The following FAM78B variants were observed in gnomAD, a reference collection of about 807,000 sequenced individuals.
The protein encoded by FAM78B is protein FAM78B.
FAM78B carries 10 observed loss-of-function variants against 20.0 expected under a neutral mutation model. That is an observed-to-expected ratio of 0.50 (90% CI 0.31 to 0.85). The LOEUF (loss-of-function observed/expected upper bound fraction) is 0.85. Among genes scored for constraint, FAM78B ranks in the 40% least tolerant of loss-of-function variants. The pLI is 0.05. For synonymous variants in FAM78B, 135 were observed against 132.8 expected, an observed-to-expected ratio of 1.02 and a Z score of -0.12; for missense variants, 283 against 345.0, an observed-to-expected ratio of 0.82 and a Z score of 1.42.
chr1:166,134,375 A>T (rs906868406), intron 1 of FAM78B, among the ~76,000 whole-genome samples: 2 of 152,158 alleles, frequency 1.3e-5, no homozygotes, highest in Non-Finnish European at 2.9e-5. Context: ...CCCCTAGTCA[A>T]GCAACTAGCT....
At chr1:166,101,840 A>C (rs1172066891) in intron 1 of FAM78B, among the ~76,000 whole-genome samples, 1 of 152,152 alleles carries the variant, frequency 6.6e-6, no homozygotes, top group Non-Finnish European at 1.5e-5. Flanking sequence ...CAACATTCAA[A>C]TTCAGGAAAT....
intron 1 of FAM78B, among the ~76,000 whole-genome samples, chr1:166,150,177 G>A (rs7551943): frequency 0.19 from 26,186 of 139,188 alleles, 2,973 homozygotes; most frequent in East Asian, 0.47. Flanking sequence ...TATACCCCAG[G>A]TGGTTGTGCC....
chr1:166,110,497 G>A (rs1475095604), intron 1 of FAM78B, among the ~76,000 whole-genome samples: 1 of 152,172 alleles, frequency 6.6e-6, no homozygotes, highest in Non-Finnish European at 1.5e-5. Flanking sequence ...CAAGTGGTAA[G>A]CAATCAATGT....
chr1:166,111,840 T>C lies in FAM78B; in HGVS notation c.264-41077A>G, dbSNP rs565163104. On this transcript the variant is annotated intron_variant, in intron 1 of 1. Transcript: ENST00000354422. ...AGAAACAACTAGCCATAGAGCAGCG[T>C]CCCTGGCTTCCCAGAGGCTATACTT... Among the ~76,000 whole-genome samples the C allele has an allele frequency of 2.5e-4, 38 of 152,344 alleles. No individual in the cohort carries two copies. In the South Asian group the frequency reaches 7.7e-3, roughly 31 times the overall value.
At chr1:166,152,956 G>A (rs992869006) in intron 1 of FAM78B, among the ~76,000 whole-genome samples, 10 of 152,170 alleles carry the variant, frequency 6.6e-5, no homozygotes, top group Non-Finnish European at 1.2e-4. Flanking sequence ...GATTACAGGC[G>A]TGAGTGCGCC....
intron 1 of FAM78B, among the ~76,000 whole-genome samples, chr1:166,148,139 T>G (rs750370146): frequency 1.3e-5 from 2 of 152,242 alleles, no homozygotes; most frequent in South Asian, 2.1e-4. Context: ...AAGTAAGATA[T>G]GAGGGGTCTA....
At chr1:166,101,122 A>G (rs1341589733) in intron 1 of FAM78B, among the ~76,000 whole-genome samples, 1 of 152,222 alleles carries the variant, frequency 6.6e-6, no homozygotes, top group Non-Finnish European at 1.5e-5. Flanking sequence ...CAGACCTGCA[A>G]CTGAGGGTCC....
chr1:166,133,881 T>C (rs141370789), intron 1 of FAM78B, among the ~76,000 whole-genome samples: 101 of 152,334 alleles, frequency 6.6e-4, no homozygotes, highest in African/African-American at 2.3e-3. Context: ...CCTTACTTTA[T>C]ACGAGGAACT....
chr1:166,072,791 G>A lies in FAM78B; in HGVS notation c.264-2028C>T, dbSNP rs763752892. 3.3e-4 allele frequency among the ~76,000 whole-genome samples: 50 copies of A among 152,186 alleles called. 1 individual carries two copies. The highest frequency in any genetic ancestry group is 4.6e-4 in the Non-Finnish European group (31 of 68,034). ...TGGCAGACTGTTCTTGCTCTCCCCC[G>A]CTACACACAGGGCTTACTGTGGCGT... On this transcript the variant is annotated intron_variant, in intron 1 of 1. Transcript: ENST00000354422.
At chr1:166,083,333 T>C (rs1341959876) in intron 1 of FAM78B, among the ~76,000 whole-genome samples, 1 of 152,176 alleles carries the variant, frequency 6.6e-6, no homozygotes, top group Non-Finnish European at 1.5e-5. Context: ...ATATGAAGCA[T>C]TTCAGGGAAA....
At chr1:166,163,681 T>C (rs1297486559) in intron 1 of FAM78B, among the ~76,000 whole-genome samples, 1 of 152,158 alleles carries the variant, frequency 6.6e-6, no homozygotes, top group Non-Finnish European at 1.5e-5. Flanking sequence ...CATTAAAAAG[T>C]TTACACTAGC....
At chr1:166,062,783 T>A (rs1001981071) in intron 2 of FAM78B, among the ~76,000 whole-genome samples, 1 of 152,248 alleles carries the variant, frequency 6.6e-6, no homozygotes, top group Admixed American at 6.5e-5. Context: ...AATGAAATAG[T>A]TCTCAGCCTG....
At chr1:166,157,427 C>A (rs1014852212) in intron 1 of FAM78B, among the ~76,000 whole-genome samples, 10 of 151,462 alleles carry the variant, frequency 6.6e-5, no homozygotes, top group Middle Eastern at 6.9e-3. Flanking sequence ...AAAGGTCATG[C>A]AGCTGGCACT....
intron 1 of FAM78B, among the ~76,000 whole-genome samples, chr1:166,114,145 G>T (rs966298267): frequency 6.6e-6 from 1 of 152,134 alleles, no homozygotes; most frequent in East Asian, 1.9e-4. Flanking sequence ...CACACCTTTG[G>T]GTGCATGATG....
intron 1 of FAM78B, among the ~76,000 whole-genome samples, chr1:166,091,132 G>A (rs758928360): frequency 6.6e-6 from 1 of 152,158 alleles, no homozygotes; most frequent in Non-Finnish European, 1.5e-5. Flanking sequence ...GGCACGGGCA[G>A]GAAGGGTAGA....
intron 1 of FAM78B, among the ~76,000 whole-genome samples, chr1:166,131,742 A>C (rs778572981): frequency 6.6e-6 from 1 of 152,096 alleles, no homozygotes; most frequent in Non-Finnish European, 1.5e-5. Context: ...AATAGTAAAC[A>C]TATTTTTACT....
intron 1 of FAM78B, among the ~76,000 whole-genome samples, chr1:166,105,381 T>C (rs1190124340): frequency 3.3e-5 from 5 of 151,938 alleles, no homozygotes; most frequent in Non-Finnish European, 7.4e-5. Context: ...AAAGAGCTTC[T>C]GCACAGCAAA....
At position 166,166,177 on chromosome 1, in the gene FAM78B, G is replaced by A. The variant is rs1175572021; in HGVS notation, c.72C>T (p.Cys24=). 2 of 1,599,568 alleles carry A rather than the reference G, an allele frequency of 1.3e-6. No homozygotes were observed. Among genetic ancestry groups the A allele is most frequent in the Non-Finnish European group, 8.5e-7 (1 of 1,172,986 alleles). Residue 24 remains cysteine (C), a synonymous_variant, in exon 1 of 2, where the codon TGC becomes TGT. Coordinates refer to ENST00000354422, the MANE Select transcript of FAM78B (RefSeq NM_001017961.5). ...GCGTGGGGCACTGGTCGATGGTGGC[G>A]CACACATCGTACACCACGATGTTCT... ...RRENIVVYDV[C]ATIDQCPTRI... is the part of the protein sequence containing the mutation.
intron 1 of FAM78B, among the ~76,000 whole-genome samples, chr1:166,105,004 G>A (rs939972935): frequency 1.3e-5 from 2 of 152,174 alleles, no homozygotes; most frequent in Non-Finnish European, 2.9e-5. Context: ...TACCTAAACA[G>A]ACATATAGAC....
Sources: gnomAD v4.1 joint callset for allele counts (sites outside exome capture counted in the v4.1 genomes callset) on GRCh38, gnomAD v4.1.1 for gene constraint, MANE v1.5 for transcripts, NCBI Gene and HGNC (gene_info 2026-07-23, HGNC 2026-07-21) for gene names.